The following TESK2 variants were observed in gnomAD, a reference collection of about 807,000 sequenced individuals.
TESK2 encodes the protein testis associated actin remodelling kinase 2.
A neutral mutation model predicts 57.1 loss-of-function variants in TESK2; 39 were observed. The observed-to-expected ratio is 0.68, with a 90% CI of 0.53 to 0.89. The LOEUF (loss-of-function observed/expected upper bound fraction) is 0.89. Among genes scored for constraint, TESK2 ranks in the 40% least tolerant of loss-of-function variants. TESK2 has a pLI of 0.00. For synonymous variants in TESK2, 249 were observed against 267.9 expected, an observed-to-expected ratio of 0.93 and a Z score of 0.69; for missense variants, 646 against 732.1, an observed-to-expected ratio of 0.88 and a Z score of 1.36.
rs191484284 is a variant in TESK2 at position 45,431,141 on chromosome 1, G to A, written c.223-9295C>T. ...TGCTAGTAAGAAGATGCAAGAGGCC[G>A]GGCACAGTGGCTCACGCCTGCAATC... On this transcript the variant is annotated intron_variant, in intron 2 of 10. Coordinates refer to ENST00000372086, the MANE Select transcript of TESK2 (RefSeq NM_007170.3). Among the ~76,000 whole-genome samples, 78 of 152,314 alleles carry A rather than the reference G, an allele frequency of 5.1e-4. 1 individual carries two copies. In the Middle Eastern group the frequency reaches 0.034, roughly 66 times the overall value.
At chr1:45,397,577 C>T (rs933943718) in intron 3 of TESK2, among the ~76,000 whole-genome samples, 3 of 152,110 alleles carry the variant, frequency 2.0e-5, no homozygotes, top group Non-Finnish European at 4.4e-5. Context: ...TGCATTCTCT[C>T]TCTTTTCTTT....
chr1:45,458,133 A>G (rs1424760060), intron 1 of TESK2, among the ~76,000 whole-genome samples: 6 of 152,226 alleles, frequency 3.9e-5, no homozygotes, highest in Admixed American at 6.5e-5. Context: ...TCTATCATTC[A>G]TTGAGCACCT....
intron 3 of TESK2, among the ~76,000 whole-genome samples, chr1:45,402,602 C>T (rs776470702): frequency 1.7e-4 from 26 of 151,660 alleles, no homozygotes; most frequent in Non-Finnish European, 2.8e-4. Flanking sequence ...CCTGCCTCAG[C>T]CTCCCAAGTA....
intron 3 of TESK2, among the ~76,000 whole-genome samples, chr1:45,401,025 T>TAAA (rs376070354): frequency 2.4e-5 from 3 of 124,200 alleles, no homozygotes; most frequent in Non-Finnish European, 3.3e-5. Flanking sequence ...GACTCTGTCT[T>TAAA]AAAAAAAAAA....
intron 3 of TESK2, among the ~76,000 whole-genome samples, chr1:45,405,839 A>C (rs1440817548): frequency 6.6e-6 from 1 of 151,668 alleles, no homozygotes; most frequent in East Asian, 1.9e-4. Flanking sequence ...GTGTCACTGC[A>C]CTCCAGCCTG....
chr1:45,363,644 T>TAGGCAGGGTTGGGGATAAGAA (rs1553144496), intron 4 of TESK2, among the ~76,000 whole-genome samples: 1 of 152,006 alleles, frequency 6.6e-6, no homozygotes, highest in Non-Finnish European at 1.5e-5. Flanking sequence ...TGGTAACCCA[T>TAGGCAGGGTTGGGGATAAGAA]AGGCAGGGTT....
At position 45,479,057 on chromosome 1, in the gene TESK2, GAAT is replaced by G. The variant is rs773764036; in HGVS notation, c.-87+11792_-87+11794del. On this transcript the variant is annotated intron_variant, in intron 1 of 10. Transcript: ENST00000372086. ...ACTTTTTGAATCATGGGCAAATTAT[GAAT>G]AATGTGTATCTTCTCCTTTAAAATC... Among the ~76,000 whole-genome samples, 43 of 152,120 alleles carry G rather than the reference GAAT, an allele frequency of 2.8e-4. 1 individual carries two copies. The Middle Eastern group carries it at 0.034, about 120-fold the overall frequency.
intron 1 of TESK2, among the ~76,000 whole-genome samples, chr1:45,472,174 C>G (rs1396993832): frequency 6.6e-6 from 1 of 150,656 alleles, no homozygotes; most frequent in African/African-American, 2.4e-5. Context: ...ATGGCATGAA[C>G]CTGGGAGGCG....
intron 3 of TESK2, among the ~76,000 whole-genome samples, chr1:45,396,691 G>C (rs190179435): frequency 9.6e-4 from 145 of 151,000 alleles, no homozygotes; most frequent in African/African-American, 3.3e-3. Context: ...GTTTTGCCAC[G>C]TTGGCCAGGC....
intron 4 of TESK2, among the ~76,000 whole-genome samples, chr1:45,369,911 C>A (rs185105161): frequency 2.4e-4 from 36 of 152,214 alleles, no homozygotes; most frequent in African/African-American, 8.4e-4. Flanking sequence ...GGGGGTTTCA[C>A]CATGTTGGCC....
intron 1 of TESK2, among the ~76,000 whole-genome samples, chr1:45,475,430 C>T (rs1317322677): frequency 2.0e-5 from 3 of 152,066 alleles, no homozygotes; most frequent in Non-Finnish European, 4.4e-5. Context: ...TGGTCTCGAA[C>T]TCTTGACCTC....
chr1:45,426,216 T>C (rs1171019812), intron 2 of TESK2, among the ~76,000 whole-genome samples: 1 of 152,120 alleles, frequency 6.6e-6, no homozygotes, highest in East Asian at 1.9e-4. Context: ...CACAGAGCTA[T>C]TGTAACCAAA....
At chr1:45,460,747 A>T (rs1364832323) in intron 1 of TESK2, among the ~76,000 whole-genome samples, 1 of 152,110 alleles carries the variant, frequency 6.6e-6, no homozygotes, top group Non-Finnish European at 1.5e-5. Context: ...CAACACAGCA[A>T]GACCCCTCAT....
intron 4 of TESK2, among the ~76,000 whole-genome samples, chr1:45,368,502 T>C (rs964368595): frequency 6.7e-6 from 1 of 149,324 alleles, no homozygotes; most frequent in African/African-American, 2.5e-5. Context: ...GCCTCCCGAG[T>C]ACCTGGGACT....
rs143019520 is a variant in TESK2, at chr1:45,419,761, G to T, written c.344+1964C>A. ...GTGGAGGTTGCAGAGAGCTGAGATCGAGCCATTGCACTCCAGCCTGGGCGA... is the reference window on the plus strand; with the variant it reads ...GTGGAGGTTGCAGAGAGCTGAGATCTAGCCATTGCACTCCAGCCTGGGCGA... On this transcript the variant is annotated intron_variant, in intron 3 of 10. Coordinates refer to ENST00000372086, the MANE Select transcript of TESK2 (RefSeq NM_007170.3). Among the ~76,000 whole-genome samples, 766 of 152,120 alleles carry T rather than the reference G, an allele frequency of 5.0e-3. 6 individuals carry two copies. The highest frequency in any genetic ancestry group is 0.017 in the African/African-American group (724 of 41,484).
At chr1:45,428,512 A>T (rs1276495365) in intron 2 of TESK2, among the ~76,000 whole-genome samples, 2 of 151,072 alleles carry the variant, frequency 1.3e-5, no homozygotes, top group Non-Finnish European at 3.0e-5. Context: ...CTTTATTTTT[A>T]TTTTTTTTTA....
intron 2 of TESK2, among the ~76,000 whole-genome samples, chr1:45,441,711 C>G (rs1651452679): frequency 6.7e-6 from 1 of 149,922 alleles, no homozygotes; most frequent in African/African-American, 2.5e-5. Context: ...CTCCGCCTCT[C>G]AGGTTCAAGT....
intron 2 of TESK2, among the ~76,000 whole-genome samples, chr1:45,428,816 A>ATTTT (rs71052876): frequency 0.016 from 1,337 of 82,530 alleles, 106 homozygotes; most frequent in South Asian, 0.027. Context: ...TAAATTCCTG[A>ATTTT]TTTTTTTTTT....
intron 1 of TESK2, among the ~76,000 whole-genome samples, chr1:45,489,018 T>A (rs895277907): frequency 6.6e-6 from 1 of 151,790 alleles, no homozygotes; most frequent in Non-Finnish European, 1.5e-5. Flanking sequence ...CAAAAAATTA[T>A]CTGGGTGTGG....
Sources: allele counts gnomAD v4.1 joint callset (sites outside exome capture counted in the v4.1 genomes callset), GRCh38; gene constraint gnomAD v4.1.1; transcripts MANE v1.5; gene names NCBI Gene and HGNC (gene_info 2026-07-23, HGNC 2026-07-21).